Variants in TMEM131 observed in about 807,000 individuals in gnomAD.
TMEM131 encodes the protein transmembrane protein 131, also known as 2610524E03Rik.
Under a neutral mutation model 211.6 loss-of-function variants are expected in TMEM131, and 66 were observed. The observed-to-expected ratio is 0.31, with a 90% CI of 0.26 to 0.38. The LOEUF (loss-of-function observed/expected upper bound fraction) is 0.38, where lower values mean the gene tolerates loss of function less well. TMEM131 is among the 10% of genes least tolerant of loss of function. The pLI, the probability that TMEM131 is intolerant of heterozygous loss-of-function variation, is 1.00. For synonymous variants in TMEM131, 844 were observed against 841.3 expected (o/e 1.00, Z -0.06); for missense variants, 2,036 against 2,299.3 (o/e 0.89, Z 2.34).
At chr2:97,788,944 A>G (rs147711192) in intron 31 of TMEM131, among the ~76,000 whole-genome samples, 4 of 152,322 alleles carry the variant, frequency 2.6e-5, no homozygotes, top group African/African-American at 9.6e-5. Context: ...TTAAAAACCT[A>G]CCATACAATA....
chr2:97,840,433 C>A (rs538532115), intron 7 of TMEM131, among the ~76,000 whole-genome samples: 2 of 152,134 alleles, frequency 1.3e-5, no homozygotes, highest in African/African-American at 2.4e-5. Flanking sequence ...TCGGGTCTAA[C>A]GGAGTAAGAG....
intron 3 of TMEM131, among the ~76,000 whole-genome samples, chr2:97,898,546 G>C (rs758116654): frequency 2.0e-5 from 3 of 152,182 alleles, no homozygotes; most frequent in Non-Finnish European, 2.9e-5. Context: ...TGTGCACAAA[G>C]AGGGCATGTG....
intron 1 of TMEM131, among the ~76,000 whole-genome samples, chr2:97,928,720 GATGCCACTATAC>G (rs1677092871): frequency 6.6e-6 from 1 of 151,712 alleles, no homozygotes; most frequent in Admixed American, 6.6e-5. Context: ...TAACCATTCT[GATGCCACTATAC>G]ATGTACACTG....
intron 5 of TMEM131, among the ~76,000 whole-genome samples, chr2:97,853,420 T>C (rs7562695): frequency 0.77 from 108,329 of 140,460 alleles, 42,835 homozygotes; most frequent in African/African-American, 0.88. Context: ...CATGGTGAAA[T>C]CCCATCTCTA....
chr2:97,884,981 C>A lies in TMEM131; in HGVS notation c.359+3071G>T, dbSNP rs140927006. 7.9e-5 allele frequency among the ~76,000 whole-genome samples: 12 copies of A among 152,270 alleles called. No individual in the cohort carries two copies. The East Asian group carries it at 2.1e-3, about 27-fold the overall frequency. ...ATGTTTTATCTTTTGTTCTGTACTT[C>A]TTTTCTTATGGTTTTTCTGTGCTTG... On this transcript the variant is annotated intron_variant, in intron 4 of 40. Transcript: ENST00000186436.
chr2:97,906,547 G>A (rs1379211213), intron 3 of TMEM131, among the ~76,000 whole-genome samples: 3 of 152,194 alleles, frequency 2.0e-5, no homozygotes, highest in Non-Finnish European at 4.4e-5. Flanking sequence ...GGCAGATTAA[G>A]GTGATACAGC....
At chr2:97,879,235 C>G (rs1012173006) in intron 4 of TMEM131, among the ~76,000 whole-genome samples, 1 of 152,040 alleles carries the variant, frequency 6.6e-6, no homozygotes, top group Non-Finnish European at 1.5e-5. Context: ...GGAAAGGATA[C>G]CGGCAGTGAG....
intron 12 of TMEM131, among the ~76,000 whole-genome samples, chr2:97,816,512 A>C (rs758312539): frequency 1.3e-5 from 2 of 152,212 alleles, no homozygotes; most frequent in African/African-American, 2.4e-5. Context: ...TGAAGAATTC[A>C]TATGTGAGTT....
intron 2 of TMEM131, among the ~76,000 whole-genome samples, chr2:97,922,467 A>T (rs1299825648): frequency 2.0e-5 from 3 of 152,192 alleles, no homozygotes; most frequent in African/African-American, 7.2e-5. Flanking sequence ...GAAGCAACCA[A>T]AATACACATA....
At chr2:97,951,538 G>A (rs1678315487) in intron 1 of TMEM131, among the ~76,000 whole-genome samples, 1 of 152,160 alleles carries the variant, frequency 6.6e-6, no homozygotes. Context: ...TACTGCCACT[G>A]GGTAAAATGT....
chr2:97,981,028 C>CAAAAAAAAAAAAAAAAAAAAAAAAAAA lies in TMEM131; in HGVS notation c.187+14421_187+14447dup, dbSNP rs57606185. On this transcript the variant is annotated intron_variant, in intron 1 of 40. Transcript: ENST00000186436. The stretch of plus-strand genomic sequence containing the variant: ...TGCTGAAACTCACAGAACTACACAC[C>CAAAAAAAAAAAAAAAAAAAAAAAAAAA]AAAAAAAAAAAAAAAAAAAAAAAAA... Among the ~76,000 whole-genome samples, 15 of 37,972 alleles carry CAAAAAAAAAAAAAAAAAAAAAAAAAAA rather than the reference C, an allele frequency of 4.0e-4. 2 individuals carry two copies. The highest frequency in any genetic ancestry group is 8.8e-4 in the Admixed American group (2 of 2,280). The allele number at this position is 37,972 out of a possible 152,430, so 24.9% of individuals were successfully genotyped here.
intron 1 of TMEM131, among the ~76,000 whole-genome samples, chr2:97,927,733 A>G (rs760252014): frequency 8.5e-5 from 13 of 152,174 alleles, no homozygotes; most frequent in Non-Finnish European, 1.9e-4. Flanking sequence ...CAAAATATCC[A>G]TTACTGTTAT....
At chr2:97,861,560 G>A (rs1449838138) in intron 4 of TMEM131, among the ~76,000 whole-genome samples, 1 of 151,904 alleles carries the variant, frequency 6.6e-6, no homozygotes, top group Non-Finnish European at 1.5e-5. Context: ...GGCTTTAAGT[G>A]AATACTGGTG....
At chr2:97,850,696 C>T (rs1023442123) in intron 5 of TMEM131, among the ~76,000 whole-genome samples, 5 of 152,020 alleles carry the variant, frequency 3.3e-5, no homozygotes, top group African/African-American at 1.2e-4. Context: ...ACAATAAATG[C>T]TGTGTATCCA....
chr2:97,906,332 T>C (rs931318411), intron 3 of TMEM131, among the ~76,000 whole-genome samples: 1 of 152,190 alleles, frequency 6.6e-6, no homozygotes, highest in Admixed American at 6.5e-5. Flanking sequence ...TAATTTGAAT[T>C]AAATATTTAC....
chr2:97,954,732 G>A (rs1298132209), intron 1 of TMEM131, among the ~76,000 whole-genome samples: 3 of 150,552 alleles, frequency 2.0e-5, no homozygotes, highest in Non-Finnish European at 4.4e-5. Flanking sequence ...CTTGAACCCG[G>A]GAGGCAGAGG....
At chr2:97,972,426 A>G (rs1679338069) in intron 1 of TMEM131, among the ~76,000 whole-genome samples, 1 of 132,396 alleles carries the variant, frequency 7.6e-6, no homozygotes, top group Non-Finnish European at 1.6e-5. Context: ...AAGGAAAGAA[A>G]GGAAAGAAAG....
At chr2:97,948,878 CGATCTCCTGACCTCGT>C (rs1470931229) in intron 1 of TMEM131, among the ~76,000 whole-genome samples, 1 of 152,054 alleles carries the variant, frequency 6.6e-6, no homozygotes, top group Non-Finnish European at 1.5e-5. Context: ...AGGATGGTCT[CGATCTCCTGACCTCGT>C]GATCTGCCCG....
chr2:97,816,756 A>G (rs150731183), intron 12 of TMEM131, among the ~76,000 whole-genome samples: 14 of 152,370 alleles, frequency 9.2e-5, no homozygotes, highest in African/African-American at 3.4e-4. Context: ...TGTATCATAC[A>G]TAGCAAATAA....
Sources: gnomAD v4.1 joint callset for allele counts (sites outside exome capture counted in the v4.1 genomes callset) on GRCh38, gnomAD v4.1.1 for gene constraint, MANE v1.5 for transcripts, NCBI Gene and HGNC (gene_info 2026-07-23, HGNC 2026-07-21) for gene names.